Variants in PSD3 observed in about 807,000 individuals in gnomAD.
The protein encoded by PSD3 is PH and SEC7 domain-containing protein 3.
A neutral mutation model predicts 105.5 loss-of-function variants in PSD3; 49 were observed. The observed-to-expected ratio is 0.46, with a 90% CI of 0.37 to 0.59. PSD3 has a LOEUF of 0.59. PSD3 is among the 20% of genes least tolerant of loss of function. The pLI is 0.00. For missense variants in PSD3, 1,561 were observed against 1,263.8 expected, an observed-to-expected ratio of 1.24 and a Z score of -3.57; for synonymous variants, 557 against 457.8, an observed-to-expected ratio of 1.22 and a Z score of -2.77.
At chr8:18,889,676 C>T (rs1237975433) in intron 2 of PSD3, among the ~76,000 whole-genome samples, 1 of 152,182 alleles carries the variant, frequency 6.6e-6, no homozygotes, top group East Asian at 1.9e-4. Flanking sequence ...TCCCTGTGAT[C>T]CCGTGCAATG....
At chr8:18,718,327 C>G (rs558127430) in intron 9 of PSD3, among the ~76,000 whole-genome samples, 2 of 152,322 alleles carry the variant, frequency 1.3e-5, no homozygotes, top group South Asian at 4.1e-4. Context: ...CTCAAATTAA[C>G]TTTACTTTTC....
intron 1 of PSD3, among the ~76,000 whole-genome samples, chr8:19,005,572 C>A (rs28391424): frequency 0.28 from 41,764 of 151,688 alleles, 6,566 homozygotes; most frequent in East Asian, 0.4. Context: ...GCAGCCTCAA[C>A]CTCCTGGGCT....
At chr8:18,611,770 TGGA>T (rs2130648979) in intron 11 of PSD3, among the ~76,000 whole-genome samples, 1 of 78,606 alleles carries the variant, frequency 1.3e-5, no homozygotes, top group South Asian at 7.0e-4. Flanking sequence ...GGGACCTGGA[TGGA>T]TCACATTAAC....
At chr8:18,871,037 C>T (rs1349202586) in intron 3 of PSD3, among the ~76,000 whole-genome samples, 2 of 152,058 alleles carry the variant, frequency 1.3e-5, no homozygotes, top group South Asian at 2.1e-4. Flanking sequence ...AGGTCAAGGC[C>T]GCAGTGAGCC....
At chr8:19,084,208 T>C in exon 1 of PSD3, 1 of 450,606 alleles carries the variant, frequency 2.2e-6, no homozygotes, top group Non-Finnish European at 4.5e-6. Flanking sequence ...GTTCTTACCT[T>C]GAGAGGCAGA....
chr8:19,029,993 T>C (rs1827703651), intron 1 of PSD3, among the ~76,000 whole-genome samples: 1 of 152,206 alleles, frequency 6.6e-6, no homozygotes, highest in African/African-American at 2.4e-5. Context: ...TTTGCACTGG[T>C]CAGGAATTTT....
chr8:18,755,047 T>A (rs1387766895), intron 9 of PSD3, among the ~76,000 whole-genome samples: 3 of 152,138 alleles, frequency 2.0e-5, no homozygotes, highest in Non-Finnish European at 4.4e-5. Context: ...CTTTTATTCA[T>A]GATGTGACCA....
At chr8:18,567,556 A>C (rs533823172) in intron 14 of PSD3, among the ~76,000 whole-genome samples, 144 of 152,348 alleles carry the variant, frequency 9.5e-4, no homozygotes, top group African/African-American at 3.3e-3. Context: ...CAAGAACTGT[A>C]CAGTAATAGT....
intron 8 of PSD3, among the ~76,000 whole-genome samples, chr8:18,776,521 C>G (rs1808105385): frequency 6.6e-6 from 1 of 151,792 alleles, no homozygotes; most frequent in South Asian, 2.1e-4. Context: ...GTTGCTGGGA[C>G]TACAGGCCAC....
intron 9 of PSD3, among the ~76,000 whole-genome samples, chr8:18,740,070 G>T (rs962086292): frequency 6.6e-6 from 1 of 152,146 alleles, no homozygotes; most frequent in Non-Finnish European, 1.5e-5. Flanking sequence ...CTATCAACCA[G>T]AGTGGAGGCC....
chr8:18,620,764 T>A (rs570288190), intron 11 of PSD3, among the ~76,000 whole-genome samples: 1 of 152,308 alleles, frequency 6.6e-6, no homozygotes, highest in South Asian at 2.1e-4. Flanking sequence ...CCATTAACAT[T>A]AGTGATAACA....
chr8:18,820,132 G>C (rs1461391332), intron 4 of PSD3, among the ~76,000 whole-genome samples: 1 of 150,052 alleles, frequency 6.7e-6, no homozygotes, highest in Non-Finnish European at 1.5e-5. Context: ...AACTCCAAGA[G>C]AAAGCACTGT....
intron 9 of PSD3, among the ~76,000 whole-genome samples, chr8:18,760,740 C>G (rs527876914): frequency 8.5e-5 from 13 of 152,288 alleles, no homozygotes; most frequent in Non-Finnish European, 1.9e-4. Flanking sequence ...CAAAAGCTAA[C>G]ACTTCACTAG....
intron 1 of PSD3, among the ~76,000 whole-genome samples, chr8:18,948,863 T>G (rs563988717): frequency 1.6e-5 from 2 of 124,826 alleles, no homozygotes; most frequent in Non-Finnish European, 3.6e-5. Flanking sequence ...GTGGGAATCA[T>G]GAGAAGTAAG....
rs1799674781 is a variant in PSD3, at chr8:18,532,511, A to G, written c.*3232T>C. 6.6e-6 allele frequency: 1 copy of G among 152,198 alleles called. No homozygotes were observed. The allele number at this position is 152,198 out of a possible 1,614,324, so 9.4% of individuals were successfully genotyped here. ...ATGCTTTCTATCCTCTGCATCTAAGAGGAATAAAAAGGTTACACATAATCC... is the reference window on the plus strand; with the variant it reads ...ATGCTTTCTATCCTCTGCATCTAAGGGGAATAAAAAGGTTACACATAATCC... On this transcript the variant is annotated 3_prime_UTR_variant, in exon 16 of 16. Transcript: ENST00000327040.
At chr8:18,757,255 C>A (rs1360942212) in intron 9 of PSD3, among the ~76,000 whole-genome samples, 1 of 150,992 alleles carries the variant, frequency 6.6e-6, no homozygotes, top group African/African-American at 2.4e-5. Context: ...GAGTTCAAGA[C>A]CAGCCTTGCC....
intron 9 of PSD3, among the ~76,000 whole-genome samples, chr8:18,757,489 C>A (rs917978337): frequency 6.6e-6 from 1 of 151,476 alleles, no homozygotes; most frequent in African/African-American, 2.4e-5. Context: ...CAAACATTAA[C>A]TGCGTAGAGA....
At chr8:18,759,092 ACT>A (rs748135836) in intron 9 of PSD3, among the ~76,000 whole-genome samples, 424 of 142,850 alleles carry the variant, frequency 3.0e-3, no homozygotes, top group Middle Eastern at 3.7e-3. Context: ...ACACACACAC[ACT>A]CTCTCTCTCT....
intron 10 of PSD3, among the ~76,000 whole-genome samples, chr8:18,647,112 C>G (rs10101592): frequency 0.26 from 39,019 of 152,068 alleles, 5,247 homozygotes; most frequent in South Asian, 0.44. Flanking sequence ...GAAATCTTTG[C>G]AAAATTTTCT....
Sources: allele counts gnomAD v4.1 joint callset (sites outside exome capture counted in the v4.1 genomes callset), GRCh38; gene constraint gnomAD v4.1.1; transcripts MANE v1.5; gene names NCBI Gene and HGNC (gene_info 2026-07-23, HGNC 2026-07-21).